Variants in BMPR2 observed in about 807,000 individuals in gnomAD.
BMPR2 encodes bone morphogenetic protein receptor type 2.
A neutral mutation model predicts 100.8 loss-of-function variants in BMPR2; 29 were observed. That is an observed-to-expected ratio of 0.29 (90% CI 0.21 to 0.39). The LOEUF is 0.39. Among genes scored for constraint, BMPR2 ranks in the 10% least tolerant of loss-of-function variants. The probability of loss-of-function intolerance (pLI) is 1.00; values close to 1 mark genes in which losing one functional copy is unlikely to be tolerated. For synonymous variants in BMPR2, 382 were observed against 442.3 expected, an observed-to-expected ratio of 0.86 and a Z score of 1.71; for missense variants, 1,011 against 1,274.5, an observed-to-expected ratio of 0.79 and a Z score of 3.15.
chr2:202,434,423 A>G (rs561290408), intron 1 of BMPR2, among the ~76,000 whole-genome samples: 1 of 150,504 alleles, frequency 6.6e-6, no homozygotes, highest in African/African-American at 2.5e-5. Context: ...ACATCTGCTT[A>G]TTATGAGAAT....
chr2:202,560,761 C>T lies in BMPR2; in HGVS notation c.*815C>T, dbSNP rs184240459. 1.0e-3 allele frequency: 154 copies of T among 152,632 alleles called. No homozygotes were observed. Among genetic ancestry groups the T allele is most frequent in the Non-Finnish European group, 1.6e-3 (110 of 67,996 alleles). The allele number at this position is 152,632 out of a possible 1,614,324, so 9.5% of individuals were successfully genotyped here. On this transcript the variant is annotated 3_prime_UTR_variant, in exon 13 of 13. Transcript: ENST00000374580. ...GTTTCCTTCAAGGCATCTTAATAAA[C>T]TTATTTGCTTCTGGTTTTGGGAGTT...
At chr2:202,496,703 G>T (rs547615890) in intron 3 of BMPR2, among the ~76,000 whole-genome samples, 67 of 152,268 alleles carry the variant, frequency 4.4e-4, no homozygotes, top group African/African-American at 1.5e-3. Context: ...TGACCCTATG[G>T]GGAAAAAATA....
chr2:202,441,899 G>T (rs1351937015), intron 1 of BMPR2, among the ~76,000 whole-genome samples: 1 of 149,410 alleles, frequency 6.7e-6, no homozygotes, highest in Non-Finnish European at 1.5e-5. Flanking sequence ...TGGGCATGGT[G>T]GCAGGTGCCA....
intron 3 of BMPR2, among the ~76,000 whole-genome samples, chr2:202,487,641 G>C (rs1418301136): frequency 1.3e-5 from 2 of 152,140 alleles, no homozygotes; most frequent in Non-Finnish European, 2.9e-5. Context: ...TATACTTTTT[G>C]TATTTTTCTG....
chr2:202,486,689 A>T (rs1035819695), intron 3 of BMPR2, among the ~76,000 whole-genome samples: 2 of 151,684 alleles, frequency 1.3e-5, no homozygotes, highest in Non-Finnish European at 2.9e-5. Flanking sequence ...TTCAATTTTT[A>T]TTCATCTTCA....
Position 202,467,608 on chromosome 2 carries a change from T to C in BMPR2, c.337T>C (p.Tyr113His). The change falls in exon 3 of 13, where the codon TAC becomes CAC. Residue 113 changes from tyrosine to histidine, a missense_variant. This residue lies in a region of BMPR2 where 355 missense variants were observed against 455.3 expected (regional missense o/e 0.78). Coordinates refer to ENST00000374580, the MANE Select transcript of BMPR2 (RefSeq NM_001204.7). ...TCCTCCCTCAATTCAGAATGGAACA[T>C]ACCGTTTCTGCTGTTGTAGCACAGA... Reference protein sequence around the residue: ...TTPPSIQNGTYRFCCCSTDLC... With the variant: ...TTPPSIQNGTHRFCCCSTDLC... 6.2e-7 allele frequency: 1 copy of C among 1,604,906 alleles called. No individual in the cohort carries two copies. The highest frequency in any genetic ancestry group is 8.5e-7 in the Non-Finnish European group (1 of 1,171,568).
chr2:202,519,371 A>T (rs1450882009), intron 6 of BMPR2, among the ~76,000 whole-genome samples: 2 of 152,142 alleles, frequency 1.3e-5, no homozygotes, highest in East Asian at 3.9e-4. Flanking sequence ...TCAAAAAATA[A>T]AAAAAAATAA....
intron 10 of BMPR2, among the ~76,000 whole-genome samples, chr2:202,547,666 C>G (rs1477142895): frequency 6.6e-6 from 1 of 150,508 alleles, no homozygotes; most frequent in Non-Finnish European, 1.5e-5. Context: ...GCCTGTAATC[C>G]CAGCAACTTG....
intron 1 of BMPR2, among the ~76,000 whole-genome samples, chr2:202,460,488 C>T (rs545839205): frequency 1.3e-5 from 2 of 152,146 alleles, no homozygotes; most frequent in South Asian, 4.1e-4. Flanking sequence ...ACATACTGTA[C>T]TGATATCTTG....
chr2:202,447,587 G>A (rs971120290), intron 1 of BMPR2, among the ~76,000 whole-genome samples: 3 of 150,468 alleles, frequency 2.0e-5, no homozygotes, highest in African/African-American at 7.5e-5. Context: ...GGCTGAGCTG[G>A]GAGGATCCCT....
chr2:202,464,262 T>G (rs1240654361), intron 1 of BMPR2, among the ~76,000 whole-genome samples: 1 of 151,712 alleles, frequency 6.6e-6, no homozygotes, highest in Non-Finnish European at 1.5e-5. Context: ...TTTTTGCAAA[T>G]GTACACACTT....
At position 202,520,210 on chromosome 2, in the gene BMPR2, G is replaced by A; in HGVS notation, c.967+9G>A. On this transcript the variant is annotated intron_variant, in intron 7 of 12. Coordinates refer to ENST00000374580, the MANE Select transcript of BMPR2 (RefSeq NM_001204.7). Reference sequence around the variant, plus strand: ...AGAATTACCACGAGGAGGTAAGATAGTCAATAGATGAAATTGACACTCATG... The same window carrying A: ...AGAATTACCACGAGGAGGTAAGATAATCAATAGATGAAATTGACACTCATG... The A allele has an allele frequency of 6.3e-7, 1 of 1,584,684 alleles. No individual in the cohort carries two copies. The highest frequency in any genetic ancestry group is 2.2e-5 in the East Asian group (1 of 44,716).
At chr2:202,411,824 C>G (rs569032920) in intron 1 of BMPR2, among the ~76,000 whole-genome samples, 43 of 152,196 alleles carry the variant, frequency 2.8e-4, no homozygotes, top group African/African-American at 9.9e-4. Flanking sequence ...AGATAACTTC[C>G]CAGTACTTTA....
intron 1 of BMPR2, among the ~76,000 whole-genome samples, chr2:202,415,478 A>G (rs536120045): frequency 6.6e-6 from 1 of 152,320 alleles, no homozygotes; most frequent in East Asian, 1.9e-4. Flanking sequence ...TCTCAAAAGA[A>G]AAATAAATAA....
At chr2:202,539,492 A>G (rs577628159) in intron 9 of BMPR2, among the ~76,000 whole-genome samples, 124 of 152,280 alleles carry the variant, frequency 8.1e-4, no homozygotes, top group African/African-American at 2.8e-3. Flanking sequence ...TAATAAACCT[A>G]GAGAATAGTG....
In BMPR2 at chr2:202,437,523, G is replaced by A. The variant is rs115239036; in HGVS notation, c.77-27286G>A. On this transcript the variant is annotated intron_variant, in intron 1 of 12. Transcript: ENST00000374580. The stretch of plus-strand genomic sequence containing the variant: ...AATGCAGAATTCAGTGCTTTTTAGC[G>A]TATCCACAGAGTTGTGCAACTGTCA... Among the ~76,000 whole-genome samples, 1,032 of 150,276 alleles carry A rather than the reference G, an allele frequency of 6.9e-3. 16 individuals carry two copies. Among genetic ancestry groups the A allele is most frequent in the Non-Finnish European group, 0.011 (714 of 67,988 alleles).
intron 1 of BMPR2, among the ~76,000 whole-genome samples, chr2:202,458,303 A>AAAAAAAAAAAAAG (rs1692162681): frequency 6.7e-6 from 1 of 149,750 alleles, no homozygotes; most frequent in Non-Finnish European, 1.5e-5. Flanking sequence ...AAAAAAAAAA[A>AAAAAAAAAAAAAG]AAAAACGCAC....
At chr2:202,465,730 C>T (rs527562134) in intron 2 of BMPR2, among the ~76,000 whole-genome samples, 6 of 152,024 alleles carry the variant, frequency 3.9e-5, no homozygotes, top group South Asian at 2.1e-4. Flanking sequence ...TGGTGGCGGG[C>T]GCCTGTAGTC....
At chr2:202,480,227 G>A (rs1454843245) in intron 3 of BMPR2, among the ~76,000 whole-genome samples, 1 of 152,018 alleles carries the variant, frequency 6.6e-6, no homozygotes, top group Non-Finnish European at 1.5e-5. Context: ...CCACCTCTTG[G>A]GTTCACGCTA....
Sources: gnomAD v4.1 joint callset for allele counts (sites outside exome capture counted in the v4.1 genomes callset) on GRCh38, gnomAD v4.1.1 for gene constraint, gnomAD v4.1.1 regional missense constraint, MANE v1.5 for transcripts, NCBI Gene and HGNC (gene_info 2026-07-23, HGNC 2026-07-21) for gene names.